The following SUMF1 variants were observed in gnomAD, a reference collection of about 807,000 sequenced individuals.
SUMF1 encodes the protein sulfatase modifying factor 1.
Under a neutral mutation model 47.6 loss-of-function variants are expected in SUMF1, and 48 were observed. The ratio of observed to expected loss-of-function variants is 1.01; its 90% CI spans 0.80 to 1.28. SUMF1 has a LOEUF of 1.28. Among genes scored for constraint, SUMF1 ranks in the 50% most tolerant of loss-of-function variants. The pLI is 0.00. For missense variants in SUMF1, 571 were observed against 485.4 expected, an observed-to-expected ratio of 1.18 and a Z score of -1.66; for synonymous variants, 230 against 192.1, an observed-to-expected ratio of 1.20 and a Z score of -1.63.
chr3:4,283,376 G>C (rs1444259164), intron 8 of SUMF1, among the ~76,000 whole-genome samples: 1 of 152,066 alleles, frequency 6.6e-6, no homozygotes, highest in African/African-American at 2.4e-5. Context: ...TAAACTTAGG[G>C]GTCCTTAATG....
Position 4,281,821 on chromosome 3 carries a change from A to C in SUMF1, c.1014+94509T>G, listed in dbSNP as rs146986594. On this transcript the variant is annotated intron_variant and NMD_transcript_variant, in intron 8 of 12. Coordinates refer to the SUMF1 transcript ENST00000448413. ...GTACAGAAAGAAGAAGAAAAGTGGG[A>C]ACAGGAGTGGAAATGAGACTCCTTA... Among the ~76,000 whole-genome samples the C allele has an allele frequency of 3.2e-4, 48 of 152,318 alleles. No individual in the cohort carries two copies. The East Asian group carries it at 3.5e-3, about 11-fold the overall frequency.
intron 8 of SUMF1, chr3:4,313,297 AC>A: frequency 1.2e-6 from 2 of 1,613,994 alleles, no homozygotes; most frequent in Non-Finnish European, 8.5e-7. Context: ...TCACTTACAA[AC>A]AAAATCCGAC....
chr3:4,224,810 T>C (rs192400071), intron 8 of SUMF1, among the ~76,000 whole-genome samples: 2 of 152,014 alleles, frequency 1.3e-5, no homozygotes, highest in African/African-American at 2.4e-5. Flanking sequence ...ATGAAAACAA[T>C]CAGACAAGCA....
rs73809531 is a variant in SUMF1 at position 4,377,822 on chromosome 3, C to G, written c.955-1433G>C. Among the ~76,000 whole-genome samples, 576 of 151,946 alleles carry G rather than the reference C, an allele frequency of 3.8e-3. 5 individuals are homozygous for G. Among genetic ancestry groups the G allele is most frequent in the African/African-American group, 0.013 (550 of 41,506 alleles). On this transcript the variant is annotated intron_variant, in intron 7 of 8. Coordinates refer to ENST00000272902, the MANE Select transcript of SUMF1 (RefSeq NM_182760.4). The stretch of plus-strand genomic sequence containing the variant: ...AAGGGATTTATCTCCTTTTTTTGTT[C>G]AAAAAGACAATTAATCACACACCTG...
chr3:4,424,542 A>T (rs1702006199), intron 3 of SUMF1, among the ~76,000 whole-genome samples: 1 of 152,232 alleles, frequency 6.6e-6, no homozygotes, highest in Admixed American at 6.5e-5. Context: ...GACCTGAAGC[A>T]AGTATGCAAA....
At chr3:4,364,092 TA>T (rs1324919090) in intron 8 of SUMF1, among the ~76,000 whole-genome samples, 1 of 135,400 alleles carries the variant, frequency 7.4e-6, no homozygotes, top group Non-Finnish European at 1.6e-5. Flanking sequence ...TCATGGTGGA[TA>T]AGCTTTTTGA....
At chr3:4,282,769 C>G (rs1167585811) in intron 8 of SUMF1, among the ~76,000 whole-genome samples, 1 of 152,098 alleles carries the variant, frequency 6.6e-6, no homozygotes, top group Non-Finnish European at 1.5e-5. Flanking sequence ...TTTTGTCCTG[C>G]GTCAATCACA....
chr3:4,062,996 T>C (rs758370189), intron 9 of SUMF1, among the ~76,000 whole-genome samples: 1 of 152,156 alleles, frequency 6.6e-6, no homozygotes, highest in Non-Finnish European at 1.5e-5. Context: ...GAAGGAAAGA[T>C]GTCCTGATAA....
At chr3:4,414,720 A>C (rs919567862) in intron 6 of SUMF1, 1 of 152,238 alleles carries the variant, frequency 6.6e-6, no homozygotes, top group Admixed American at 6.5e-5. Context: ...TTCCAATTCT[A>C]AACATCTGTA....
intron 8 of SUMF1, among the ~76,000 whole-genome samples, chr3:4,130,168 C>CAT (rs1392899972): frequency 6.6e-6 from 1 of 152,170 alleles, no homozygotes; most frequent in Non-Finnish European, 1.5e-5. Context: ...ACAGATGGAT[C>CAT]TTGGAGAATG....
chr3:4,136,853 C>A (rs918066949), intron 8 of SUMF1, among the ~76,000 whole-genome samples: 5 of 151,822 alleles, frequency 3.3e-5, no homozygotes, highest in Non-Finnish European at 5.9e-5. Flanking sequence ...TTTATGCAGC[C>A]AAAAAACACA....
At position 4,417,125 on chromosome 3, in the gene SUMF1, C is replaced by G; in HGVS notation, c.840+3G>C. On this transcript the variant is annotated splice_donor_region_variant and intron_variant, in intron 6 of 8. Coordinates refer to ENST00000272902, the MANE Select transcript of SUMF1 (RefSeq NM_182760.4). ...ACCCTCCTGCAGAGGTCTCATTACT[C>G]ACAGGCGCAGTTCCTTGGAAGCCAT... 1 of 1,613,770 alleles carries G rather than the reference C, an allele frequency of 6.2e-7. No homozygotes were observed. The highest frequency in any genetic ancestry group is 2.2e-5 in the East Asian group (1 of 44,862).
intron 8 of SUMF1, among the ~76,000 whole-genome samples, chr3:4,205,861 T>C (rs1449978802): frequency 6.6e-6 from 1 of 152,124 alleles, no homozygotes; most frequent in Non-Finnish European, 1.5e-5. Context: ...ACTGGGGATG[T>C]GCTGGGTCAC....
intron 7 of SUMF1, among the ~76,000 whole-genome samples, chr3:4,402,069 C>T (rs1701230433): frequency 1.3e-5 from 2 of 152,144 alleles, no homozygotes; most frequent in Admixed American, 1.3e-4. Context: ...ATGCTCCCCT[C>T]ACTGCATTTA....
In SUMF1 at chr3:4,467,085, G is replaced by A. The variant is rs753345369; in HGVS notation, c.161C>T (p.Thr54Met). The A allele has an allele frequency of 6.4e-7, 1 of 1,563,074 alleles. No individual in the cohort carries two copies. Among genetic ancestry groups the A allele is most frequent in the South Asian group, 1.2e-5 (1 of 85,748 alleles). The change falls in exon 1 of 9, where the codon ACG becomes ATG. Residue 54 changes from threonine (T) to methionine (M), a missense_variant. Thr to Met is a moderately conservative substitution (Grantham distance 81). Transcript: ENST00000272902. Reference sequence around the variant, plus strand: ...GCCATGGGCGCCAGGCCGCTGGGGCGTGCCGCAGCCGCAAGAACCCGCAAG... The same window carrying A: ...GCCATGGGCGCCAGGCCGCTGGGGCATGCCGCAGCCGCAAGAACCCGCAAG... ...GSLAGSCGCGTPQRPGAHGSS... is the reference protein window; with the variant it reads ...GSLAGSCGCGMPQRPGAHGSS...
chr3:4,036,849 C>G (rs1397779702), intron 9 of SUMF1, among the ~76,000 whole-genome samples: 1 of 75,144 alleles, frequency 1.3e-5, no homozygotes. Context: ...GTCAGTGAGG[C>G]AAAAAAAAAA....
intron 8 of SUMF1, among the ~76,000 whole-genome samples, chr3:4,097,060 A>G (rs1466363496): frequency 2.0e-5 from 3 of 152,116 alleles, no homozygotes; most frequent in South Asian, 2.1e-4. Flanking sequence ...TCAACTTCAA[A>G]TTTCATTATT....
intron 8 of SUMF1, among the ~76,000 whole-genome samples, chr3:4,371,589 G>A (rs769004620): frequency 1.3e-5 from 2 of 152,158 alleles, no homozygotes; most frequent in African/African-American, 2.4e-5. Flanking sequence ...AACTCCTTTT[G>A]CTCTTCATCT....
intron 8 of SUMF1, among the ~76,000 whole-genome samples, chr3:4,075,068 C>T (rs888496277): frequency 2.0e-5 from 3 of 152,112 alleles, no homozygotes; most frequent in African/African-American, 7.2e-5. Flanking sequence ...GCCAATATCC[C>T]TGATGAACAT....
Sources: allele counts gnomAD v4.1 joint callset (sites outside exome capture counted in the v4.1 genomes callset), GRCh38; gene constraint gnomAD v4.1.1; transcripts MANE v1.5; gene names NCBI Gene and HGNC (gene_info 2026-07-23, HGNC 2026-07-21).